MPPE1: variants seen among roughly 807,000 people sequenced by gnomAD.
MPPE1 encodes the protein metallophosphoesterase 1.
A neutral mutation model predicts 43.8 loss-of-function variants in MPPE1; 28 were observed. That is an observed-to-expected ratio of 0.64 (90% CI 0.47 to 0.88). The LOEUF is 0.88. Ranked by LOEUF, MPPE1 falls within the 40% of genes least tolerant of loss-of-function variation. MPPE1 has a pLI of 0.00. For synonymous variants in MPPE1, 159 were observed against 188.5 expected (o/e 0.84, Z 1.28); for missense variants, 428 against 492.2 (o/e 0.87, Z 1.23).
chr18:11,887,087 G>T, intron 6 of MPPE1, 62 bp from the exon 7 acceptor site: 1 of 1,234,498 alleles, frequency 8.1e-7, no homozygotes, highest in Non-Finnish European at 1.2e-6. Flanking sequence ...TTTCCCTACT[G>T]TTCCCATGAA....
chr18:11,894,431 C>CAAAAAAAAAAAAAAAAAA (rs66687820), intron 3 of MPPE1, among the ~76,000 whole-genome samples: 1 of 65,166 alleles, frequency 1.5e-5, no homozygotes, highest in Non-Finnish European at 3.0e-5. Context: ...GACTCCATCT[C>CAAAAAAAAAAAAAAAAAA]AAAAAAAAAA....
Position 11,886,239 on chromosome 18 carries a change from C to T in MPPE1, c.867+260G>A, listed in dbSNP as rs1024072272. ...AATACATTTAAGTTGGTGAAAAACT[C>T]TGAATACAAAGAATAGCTGAGACTA... On this transcript the variant is annotated intron_variant, in intron 9 of 10. Transcript: ENST00000588072. This position sits in a 1 kb window ranked among gnomAD's most constrained non-coding sequence, Gnocchi z 4.1. 2 of 473,358 alleles carry T rather than the reference C, an allele frequency of 4.2e-6. No individual in the cohort carries two copies. The highest frequency in any genetic ancestry group is 7.4e-6 in the Non-Finnish European group (2 of 270,038). 29.3% of individuals were successfully genotyped at this position (473,358 alleles called of 1,614,324 possible).
chr18:11,900,341 C>T (rs1352244287), intron 2 of MPPE1, among the ~76,000 whole-genome samples: 2 of 151,538 alleles, frequency 1.3e-5, no homozygotes, highest in African/African-American at 2.4e-5. Context: ...AGAAAGACTC[C>T]GTCTCAAAAA....
chr18:11,907,304 C>G (rs2039812397), intron 1 of MPPE1, among the ~76,000 whole-genome samples: 1 of 152,162 alleles, frequency 6.6e-6, no homozygotes, highest in South Asian at 2.1e-4. Context: ...AAACCCCCGA[C>G]CCACCCACCT....
chr18:11,889,587 C>A (rs912362305), intron 4 of MPPE1, 97 bp from the exon 5 acceptor site: 5 of 842,276 alleles, frequency 5.9e-6, no homozygotes, highest in Non-Finnish European at 9.2e-6. Context: ...TTTTTTGAGA[C>A]GAGTCTGGCT....
intron 3 of MPPE1, among the ~76,000 whole-genome samples, chr18:11,894,122 G>A (rs74255570): frequency 0.053 from 8,063 of 152,148 alleles, 406 homozygotes; most frequent in African/African-American, 0.14. Flanking sequence ...CCAGAGGTAA[G>A]ACAAGCAAAT....
chr18:11,893,221 G>A lies in MPPE1; in HGVS notation c.390+247C>T, dbSNP rs1253084778. 1.8e-5 allele frequency: 8 copies of A among 447,070 alleles called. 2 individuals are homozygous for A. The South Asian group carries it at 2.2e-4, about 12-fold the overall frequency. The allele number at this position is 447,070 out of a possible 1,614,324, so 27.7% of individuals were successfully genotyped here. On this transcript the variant is annotated intron_variant, in intron 4 of 10. Coordinates refer to ENST00000588072, the MANE Select transcript of MPPE1 (RefSeq NM_023075.6). ...CCAACTAAATGATATCTGGCTAATC[G>A]ACATATTTCCTACATAGACAAATGT... is the stretch of plus-strand genomic sequence containing the variant.
intron 2 of MPPE1, chr18:11,905,623 C>G (rs1162865472): frequency 6.6e-6 from 1 of 152,300 alleles, no homozygotes; most frequent in East Asian, 1.9e-4. Flanking sequence ...CTGGGCCAAA[C>G]CTTACCCCAG....
At position 11,885,645 on chromosome 18, in the gene MPPE1, G is replaced by C. The variant is rs368111952; in HGVS notation, c.1008+31C>G. On this transcript the variant is annotated intron_variant, in intron 10 of 10. Coordinates refer to ENST00000588072, the MANE Select transcript of MPPE1 (RefSeq NM_023075.6). Reference sequence around the variant, plus strand: ...TGTGTTGATTTAAATACTTATGAAAGCTTTCAGACAAAAATAAACTTTCAC... The same window carrying C: ...TGTGTTGATTTAAATACTTATGAAACCTTTCAGACAAAAATAAACTTTCAC... 47 of 1,595,012 alleles carry C rather than the reference G, an allele frequency of 2.9e-5. No individual in the cohort carries two copies. In the African/African-American group the frequency reaches 5.5e-4, roughly 19 times the overall value.
chr18:11,890,100 G>A (rs184820220), intron 4 of MPPE1, among the ~76,000 whole-genome samples: 19 of 150,618 alleles, frequency 1.3e-4, no homozygotes, highest in South Asian at 4.2e-4. Context: ...CCGCCACCAC[G>A]CCCGACTAAT....
rs1350687278 is a variant in MPPE1 at position 11,883,188 on chromosome 18, A to G, written c.*1257T>C. ...GGATAACTTTATAGACAGTCAGTGCAACACACACATTTTATCTCATCACCG... is the reference window on the plus strand; with the variant it reads ...GGATAACTTTATAGACAGTCAGTGCGACACACACATTTTATCTCATCACCG... On this transcript the variant is annotated 3_prime_UTR_variant, in exon 11 of 11. Transcript: ENST00000588072. 1 of 151,260 alleles carries G rather than the reference A, an allele frequency of 6.6e-6. No homozygotes were observed. The highest frequency in any genetic ancestry group is 1.5e-5 in the Non-Finnish European group (1 of 68,002). The allele number at this position is 151,260 out of a possible 1,614,324, so 9.4% of individuals were successfully genotyped here. A position where few individuals can be genotyped will look rare whatever the true frequency, so the allele number is the denominator to read the frequency against.
intron 10 of MPPE1, 120 bp downstream of exon 10, chr18:11,885,556 G>A: frequency 8.1e-7 from 1 of 1,229,406 alleles, no homozygotes; most frequent in Non-Finnish European, 1.1e-6. Context: ...CGTGTAGAAG[G>A]AGAGAAATTT....
At chr18:11,904,336 A>G (rs113239847) in intron 2 of MPPE1, among the ~76,000 whole-genome samples, 59 of 150,028 alleles carry the variant, frequency 3.9e-4, no homozygotes, top group African/African-American at 1.4e-3. Flanking sequence ...TTTTTTTGAG[A>G]CAAGGTCTCG....
At position 11,897,189 on chromosome 18, in the gene MPPE1, G is replaced by C; in HGVS notation, c.76C>G (p.Leu26Val). The C allele has an allele frequency of 8.5e-7, 1 of 1,181,994 alleles. No homozygotes were observed. Among genetic ancestry groups the C allele is most frequent in the Non-Finnish European group, 1.2e-6 (1 of 808,692 alleles). The allele number at this position is 1,181,994 out of a possible 1,614,324, so 73.2% of individuals were successfully genotyped here. The change falls in exon 3 of 11, where the codon CTC becomes GTC. Residue 26 changes from leucine (L) to valine (V), a missense_variant. By Grantham distance (32) the Leu-to-Val change is conservative. Coordinates refer to ENST00000588072, the MANE Select transcript of MPPE1 (RefSeq NM_023075.6). ...AGCACAGCAAAGACAACAGCTATGA[G>C]TTTCAACAGCAATGAACTCTTCCTC... is the stretch of plus-strand genomic sequence containing the variant. ...LKRKSSLLLK[L>V]IAVVFAVLLF...
At position 11,884,340 on chromosome 18, in the gene MPPE1, C is replaced by T. The variant is rs2036857278; in HGVS notation, c.*105G>A. 1.9e-6 allele frequency: 2 copies of T among 1,060,506 alleles called. No homozygotes were observed. The highest frequency in any genetic ancestry group is 1.6e-5 in the African/African-American group (1 of 63,402). 65.7% of individuals were successfully genotyped at this position (1,060,506 alleles called of 1,614,324 possible). ...AGTGATTGAGAATTTCTGTGCTGTG[C>T]AGAGAGACGGCCTGTAATTGGTCTC... On this transcript the variant is annotated 3_prime_UTR_variant, in exon 11 of 11. Coordinates refer to ENST00000588072, the MANE Select transcript of MPPE1 (RefSeq NM_023075.6).
chr18:11,905,030 G>T (rs2039574722), intron 2 of MPPE1, among the ~76,000 whole-genome samples: 1 of 151,930 alleles, frequency 6.6e-6, no homozygotes, highest in South Asian at 2.1e-4. Flanking sequence ...ACACCTTCTG[G>T]GCAGGTGGCT....
At chr18:11,887,601 A>T (rs1411799915) in intron 6 of MPPE1, among the ~76,000 whole-genome samples, 2 of 152,228 alleles carry the variant, frequency 1.3e-5, no homozygotes, top group African/African-American at 2.4e-5. Flanking sequence ...GTAATAACAA[A>T]GTCCATTGTG....
rs903376436 is a variant in MPPE1 at position 11,884,217 on chromosome 18, T to G, written c.*228A>C. 3.9e-6 allele frequency: 2 copies of G among 517,914 alleles called. No individual in the cohort carries two copies. Among genetic ancestry groups the G allele is most frequent in the Middle Eastern group, 5.4e-4 (1 of 1,856 alleles). The allele number at this position is 517,914 out of a possible 1,614,324, so 32.1% of individuals were successfully genotyped here. A position where few individuals can be genotyped will look rare whatever the true frequency, so the allele number is the denominator to read the frequency against. ...TGCAACCTTTGATGATACATATATT[T>G]GATAAAAATGAGAAAACAGATTTGT... is the stretch of plus-strand genomic sequence containing the variant. On this transcript the variant is annotated 3_prime_UTR_variant, in exon 11 of 11. Transcript: ENST00000588072.
chr18:11,896,063 T>TAGCTGC (rs942180728), intron 3 of MPPE1, among the ~76,000 whole-genome samples: 1 of 150,934 alleles, frequency 6.6e-6, no homozygotes, highest in Non-Finnish European at 1.5e-5. Context: ...TAAAAAGGTA[T>TAGCTGC]AGCTGCTCTT....
Sources: gnomAD v4.1 joint callset for allele counts (sites outside exome capture counted in the v4.1 genomes callset) on GRCh38, gnomAD v4.1.1 for gene constraint, Gnocchi (gnomAD v3.1) non-coding constraint, MANE v1.5 for transcripts, NCBI Gene and HGNC (gene_info 2026-07-23, HGNC 2026-07-21) for gene names.